The following STARD3NL variants were observed in gnomAD, a reference collection of about 807,000 sequenced individuals.
STARD3NL encodes the protein STARD3 N-terminal-like protein.
A neutral mutation model predicts 30.9 loss-of-function variants in STARD3NL; 17 were observed. The ratio of observed to expected loss-of-function variants is 0.55; its 90% CI spans 0.38 to 0.82. The LOEUF is 0.82. Among genes scored for constraint, STARD3NL ranks in the 40% least tolerant of loss-of-function variants. The pLI is 0.00. For synonymous variants in STARD3NL, 112 were observed against 100.5 expected (o/e 1.11, Z -0.69); for missense variants, 234 against 277.6 (o/e 0.84, Z 1.12).
intron 7 of STARD3NL, among the ~76,000 whole-genome samples, chr7:38,224,873 T>C (rs947422466): frequency 3.3e-5 from 5 of 152,212 alleles, no homozygotes; most frequent in African/African-American, 9.7e-5. Flanking sequence ...GTTCGTCTTA[T>C]GGCAAACTTT....
chr7:38,179,836 G>A (rs1395251657), intron 1 of STARD3NL, among the ~76,000 whole-genome samples: 1 of 152,220 alleles, frequency 6.6e-6, no homozygotes, highest in African/African-American at 2.4e-5. Context: ...TTGGGTGATA[G>A]CTGAATGTTT....
intron 1 of STARD3NL, among the ~76,000 whole-genome samples, chr7:38,204,798 G>A (rs1785365790): frequency 6.6e-6 from 1 of 152,030 alleles, no homozygotes; most frequent in Non-Finnish European, 1.5e-5. Context: ...AAATGATAAA[G>A]GGGATATCAC....
At chr7:38,228,089 C>T (rs1010023263) in intron 7 of STARD3NL, among the ~76,000 whole-genome samples, 2 of 152,114 alleles carry the variant, frequency 1.3e-5, no homozygotes, top group Admixed American at 1.3e-4. Flanking sequence ...TTTTACCTTA[C>T]AGCGCATGCA....
At chr7:38,220,040 T>C (rs1250384321) in intron 7 of STARD3NL, among the ~76,000 whole-genome samples, 2 of 152,212 alleles carry the variant, frequency 1.3e-5, no homozygotes, top group African/African-American at 2.4e-5. Flanking sequence ...AGAGCCTCAC[T>C]GTTGGCTTCA....
intron 7 of STARD3NL, among the ~76,000 whole-genome samples, chr7:38,223,284 T>C (rs893521076): frequency 2.6e-5 from 4 of 152,222 alleles, no homozygotes; most frequent in African/African-American, 9.6e-5. Flanking sequence ...AATAGTTTGT[T>C]TGCAGGCTTG....
intron 2 of STARD3NL, 42 bp from the exon 3 acceptor site, chr7:38,214,315 C>G: frequency 7.8e-7 from 1 of 1,288,700 alleles, no homozygotes; most frequent in Admixed American, 1.9e-5. Context: ...TATTTCCACA[C>G]ATAAACCTCT....
At chr7:38,215,443 AT>A (rs1479665731) in intron 4 of STARD3NL, 1 of 294,468 alleles carries the variant, frequency 3.4e-6, no homozygotes, top group Non-Finnish European at 6.3e-6. Context: ...AAAATGTCTT[AT>A]TTGGTTGAAA....
At chr7:38,221,612 G>T (rs2116400389) in intron 7 of STARD3NL, among the ~76,000 whole-genome samples, 1 of 152,348 alleles carries the variant, frequency 6.6e-6, no homozygotes. Flanking sequence ...CAGTGCTAGA[G>T]TTCATGCTTA....
intron 6 of STARD3NL, 53 bp from the exon 7 acceptor site, chr7:38,219,512 A>T: frequency 7.4e-7 from 1 of 1,360,528 alleles, no homozygotes; most frequent in Non-Finnish European, 1.0e-6. Flanking sequence ...TCTTGCCAAA[A>T]AGCTACCAGA....
rs1785569720 is a variant in STARD3NL at position 38,207,686 on chromosome 7, T to A, written c.182T>A (p.Phe61Tyr). The A allele has an allele frequency of 6.2e-7, 1 of 1,613,986 alleles. No homozygotes were observed. The highest frequency in any genetic ancestry group is 1.1e-5 in the South Asian group (1 of 91,088). The change falls in exon 2 of 9, where the codon TTT becomes TAT. Residue 61 changes from phenylalanine to tyrosine, a missense_variant. Transcript: ENST00000009041. ...VRRTFCLFVT[F>Y]DLLFVTLLWI... ...AGGACTTTCTGTTTGTTTGTCACCT[T>A]TGACCTCTTATTCGTAACATTACTG...
intron 4 of STARD3NL, 141 bp downstream of exon 4, chr7:38,215,246 A>G (rs1786037122): frequency 1.4e-6 from 1 of 703,114 alleles, no homozygotes; most frequent in Non-Finnish European, 2.4e-6. Flanking sequence ...TTTCCTCCAT[A>G]CTTAAGTAGG....
At chr7:38,182,995 A>G (rs1045950704) in intron 1 of STARD3NL, among the ~76,000 whole-genome samples, 2 of 152,170 alleles carry the variant, frequency 1.3e-5, no homozygotes, top group Admixed American at 1.3e-4. Context: ...TTGCTCACCA[A>G]AGTATATTCT....
intron 7 of STARD3NL, among the ~76,000 whole-genome samples, chr7:38,224,975 T>G (rs577717007): frequency 6.6e-6 from 1 of 152,306 alleles, no homozygotes. Flanking sequence ...GGGAGATTAC[T>G]GTGTATGCAT....
chr7:38,189,951 G>C (rs1440277933), intron 1 of STARD3NL, among the ~76,000 whole-genome samples: 1 of 152,116 alleles, frequency 6.6e-6, no homozygotes, highest in East Asian at 1.9e-4. Context: ...TGTTTGGTTT[G>C]TCTTTGCCTT....
chr7:38,221,184 A>G (rs1428488425), intron 7 of STARD3NL, among the ~76,000 whole-genome samples: 1 of 152,130 alleles, frequency 6.6e-6, no homozygotes, highest in African/African-American at 2.4e-5. Flanking sequence ...AAAGTGGTAA[A>G]TTTTATGTTA....
At position 38,219,572 on chromosome 7, in the gene STARD3NL, G is replaced by T; in HGVS notation, c.561G>T (p.Leu187=). 6.2e-7 allele frequency: 1 copy of T among 1,602,198 alleles called. No homozygotes were observed. Among genetic ancestry groups the T allele is most frequent in the South Asian group, 1.1e-5 (1 of 90,226 alleles). Residue 187 remains leucine, a synonymous_variant, in exon 7 of 9, where the codon CTG becomes CTT. Transcript: ENST00000009041. ...GAATTTCTTCTCTTCCAGGACTCCT[G>T]ATAGTTCAGGATGCTTCAGAGAGGG... is the stretch of plus-strand genomic sequence containing the variant. ...PQEAEEENRL[L]IVQDASERAA... is the part of the protein sequence containing the mutation.
intron 8 of STARD3NL, among the ~76,000 whole-genome samples, chr7:38,229,327 T>A (rs989499113): frequency 6.6e-6 from 1 of 152,234 alleles, no homozygotes; most frequent in African/African-American, 2.4e-5. Flanking sequence ...AGGCCCACAC[T>A]TTCTGGTACC....
chr7:38,218,038 G>A (rs1306079013), intron 6 of STARD3NL, among the ~76,000 whole-genome samples: 1 of 152,154 alleles, frequency 6.6e-6, no homozygotes, highest in African/African-American at 2.4e-5. Context: ...GATTGATTAA[G>A]CTTTATGGTA....
At chr7:38,196,995 A>G (rs769412240) in intron 1 of STARD3NL, among the ~76,000 whole-genome samples, 7 of 152,154 alleles carry the variant, frequency 4.6e-5, no homozygotes, top group Admixed American at 1.3e-4. Flanking sequence ...TGGCTTTATG[A>G]AACTTTTCCT....
Sources: gnomAD v4.1 joint callset for allele counts (sites outside exome capture counted in the v4.1 genomes callset) on GRCh38, gnomAD v4.1.1 for gene constraint, MANE v1.5 for transcripts, NCBI Gene and HGNC (gene_info 2026-07-23, HGNC 2026-07-21) for gene names.